Variants in EFCC1 observed in about 807,000 individuals in gnomAD.
EFCC1 encodes EF-hand and coiled-coil domain containing 1.
EFCC1 carries 50 observed loss-of-function variants against 52.1 expected under a neutral mutation model. That is an observed-to-expected ratio of 0.96 (90% confidence interval 0.76 to 1.21). The LOEUF is 1.21. Ranked by LOEUF, EFCC1 falls within the 50% of genes most tolerant of loss-of-function variation. The pLI, the probability that EFCC1 is intolerant of heterozygous loss-of-function variation, is 0.00. For synonymous variants in EFCC1, 399 were observed against 396.5 expected (o/e 1.01, Z -0.08); for missense variants, 837 against 867.3 (o/e 0.97, Z 0.44).
At chr3:129,030,674 C>G in intron 2 of EFCC1, 29 bp from the exon 3 acceptor site, 1 of 1,548,024 alleles carries the variant, frequency 6.5e-7, no homozygotes. Context: ...CTCTCCTCCT[C>G]AATGCCTGTG....
At chr3:129,024,909 C>T (rs1299319547) in intron 2 of EFCC1, among the ~76,000 whole-genome samples, 3 of 152,156 alleles carry the variant, frequency 2.0e-5, no homozygotes, top group East Asian at 1.9e-4. Flanking sequence ...GGTGGGAGAA[C>T]GAAGAACCAG....
intron 3 of EFCC1, among the ~76,000 whole-genome samples, chr3:129,032,513 TA>T (rs1168002288): frequency 8.9e-4 from 125 of 140,872 alleles, no homozygotes; most frequent in Admixed American, 1.1e-3. Context: ...ACCCTGTCTC[TA>T]AAAAAAAAAA....
chr3:129,039,714 G>A lies in EFCC1; in HGVS notation c.1666G>A (p.Gly556Arg), dbSNP rs1946400232. 3 of 1,596,978 alleles carry A rather than the reference G, an allele frequency of 1.9e-6. No homozygotes were observed. The highest frequency in any genetic ancestry group is 2.6e-6 in the Non-Finnish European group (3 of 1,169,050). ...CCCTGCCTGCTGTTTCCCTCCAGAGGGAAGGCCCAGCCCTGCAGCCATCCT... is the reference window on the plus strand; with the variant it reads ...CCCTGCCTGCTGTTTCCCTCCAGAGAGAAGGCCCAGCCCTGCAGCCATCCT... ...LDAFRDPTHE[G>R]RPSPAAILDA... Residue 556 changes from glycine (G) to arginine (R), a missense_variant and splice_region_variant, in exon 8 of 8, where the codon GGA becomes AGA. Physicochemically the swap from Gly to Arg is moderately radical, Grantham distance 125. Transcript: ENST00000683648.
chr3:129,029,241 T>C (rs569317833), intron 2 of EFCC1, among the ~76,000 whole-genome samples: 33 of 152,340 alleles, frequency 2.2e-4, no homozygotes, highest in African/African-American at 7.2e-4. Flanking sequence ...GTGGCCCATT[T>C]ATTAGTGAAT....
At chr3:129,038,680 G>A (rs1410827069) in intron 6 of EFCC1, 151 bp from the exon 7 acceptor site, 9 of 742,556 alleles carry the variant, frequency 1.2e-5, no homozygotes, top group Non-Finnish European at 1.9e-5. Context: ...CCAGCCTAGG[G>A]GTAGGGGGCC....
intron 2 of EFCC1, among the ~76,000 whole-genome samples, chr3:129,018,314 C>G (rs1945679040): frequency 6.6e-6 from 1 of 152,142 alleles, no homozygotes; most frequent in African/African-American, 2.4e-5. Flanking sequence ...TCCAGCTCCA[C>G]CCTTATTTTT....
intron 5 of EFCC1, among the ~76,000 whole-genome samples, chr3:129,034,749 T>G (rs1469420150): frequency 6.6e-6 from 1 of 152,190 alleles, no homozygotes; most frequent in Non-Finnish European, 1.5e-5. Flanking sequence ...TCAGCCCACC[T>G]GGGAAGCCCT....
intron 2 of EFCC1, among the ~76,000 whole-genome samples, chr3:129,009,823 C>T (rs1017785924): frequency 6.6e-6 from 1 of 152,198 alleles, no homozygotes; most frequent in African/African-American, 2.4e-5. Flanking sequence ...GTCTGGAGGT[C>T]AGCTTTTCCT....
intron 2 of EFCC1, among the ~76,000 whole-genome samples, chr3:129,027,678 G>T (rs1045123078): frequency 1.3e-5 from 2 of 152,124 alleles, no homozygotes; most frequent in Non-Finnish European, 2.9e-5. Flanking sequence ...GACTCAGGGC[G>T]GGTGCGGTGG....
At chr3:129,029,627 G>A (rs571690441) in intron 2 of EFCC1, among the ~76,000 whole-genome samples, 4 of 151,776 alleles carry the variant, frequency 2.6e-5, no homozygotes, top group African/African-American at 9.7e-5. Flanking sequence ...GCCCAGGCTG[G>A]AGTGCAGTGG....
At chr3:129,012,874 C>A (rs1945390696) in intron 2 of EFCC1, among the ~76,000 whole-genome samples, 2 of 152,292 alleles carry the variant, frequency 1.3e-5, no homozygotes, top group South Asian at 4.1e-4. Flanking sequence ...GAAGAGCGGG[C>A]ATTGGGCATT....
At position 129,032,843 on chromosome 3, in the gene EFCC1, C is replaced by T; in HGVS notation, c.1163C>T (p.Ser388Phe). ...DEAVDEQLFRSVEGQAASDEE... is the reference protein window; with the variant it reads ...DEAVDEQLFRFVEGQAASDEE... ...GCAGTGGACGAGCAGCTGTTCCGCT[C>T]CGTGGAGGGCCAGGCCGCCTCTGAC... is the stretch of plus-strand genomic sequence containing the variant. Residue 388 changes from serine to phenylalanine, a missense_variant, in exon 4 of 8, where the codon TCC becomes TTC. By Grantham distance (155) the Ser-to-Phe change is radical. Coordinates refer to ENST00000683648, the MANE Select transcript of EFCC1 (RefSeq NM_001377500.1). The T allele has an allele frequency of 1.3e-6, 2 of 1,551,418 alleles. No homozygotes were observed. Among genetic ancestry groups the T allele is most frequent in the Non-Finnish European group, 1.7e-6 (2 of 1,146,938 alleles).
At chr3:129,028,188 A>G (rs541173078) in intron 2 of EFCC1, among the ~76,000 whole-genome samples, 49 of 150,688 alleles carry the variant, frequency 3.3e-4, no homozygotes, top group African/African-American at 1.2e-3. Flanking sequence ...GGTTCAAGCT[A>G]TTCTCCCGCC....
intron 2 of EFCC1, among the ~76,000 whole-genome samples, chr3:129,005,626 G>A (rs957953901): frequency 1.5e-4 from 23 of 152,220 alleles, no homozygotes; most frequent in Non-Finnish European, 2.4e-4. Flanking sequence ...CCAGTGAGGG[G>A]CTCCTGCCAT....
At chr3:129,029,351 A>G (rs1946219913) in intron 2 of EFCC1, among the ~76,000 whole-genome samples, 1 of 152,194 alleles carries the variant, frequency 6.6e-6, no homozygotes, top group African/African-American at 2.4e-5. Context: ...AATATCAAGA[A>G]AAGTGATTGG....
intron 2 of EFCC1, among the ~76,000 whole-genome samples, chr3:129,015,584 G>A (rs901203178): frequency 6.6e-6 from 1 of 150,592 alleles, no homozygotes; most frequent in African/African-American, 2.4e-5. Context: ...CACCCTGCAC[G>A]GCGCCCCCGA....
chr3:129,020,798 G>A (rs1945806368), intron 2 of EFCC1, among the ~76,000 whole-genome samples: 1 of 152,188 alleles, frequency 6.6e-6, no homozygotes, highest in Non-Finnish European at 1.5e-5. Flanking sequence ...GAGGGAGCCA[G>A]GAAGGTTACA....
chr3:129,019,660 G>A (rs780129668), intron 2 of EFCC1, among the ~76,000 whole-genome samples: 3 of 152,040 alleles, frequency 2.0e-5, no homozygotes, highest in Non-Finnish European at 2.9e-5. Flanking sequence ...ACGCTTTCTG[G>A]CTGCACTGGT....
rs1378428012 is a variant in EFCC1 at position 129,010,179 on chromosome 3, A to AG, written c.980+6106dup. Among the ~76,000 whole-genome samples the AG allele has an allele frequency of 3.9e-5, 6 of 152,220 alleles. No homozygotes were observed. The highest frequency in any genetic ancestry group is 1.4e-4 in the African/African-American group (6 of 41,466). On this transcript the variant is annotated intron_variant, in intron 2 of 7. Transcript: ENST00000683648. The surrounding 1 kb of genome is among the most constrained non-coding windows in gnomAD (Gnocchi z 4.3). ...GGTCCAGTGGCCTTGTCCTGCCTTG[A>AG]GGGGTCCCCCTTCAGTCCTCAGTAG...
Sources: allele counts gnomAD v4.1 joint callset (sites outside exome capture counted in the v4.1 genomes callset), GRCh38; gene constraint gnomAD v4.1.1; non-coding constraint Gnocchi (gnomAD v3.1); transcripts MANE v1.5; gene names NCBI Gene and HGNC (gene_info 2026-07-23, HGNC 2026-07-21).